Variants in SLC14A2 observed in about 807,000 individuals in gnomAD.
SLC14A2 encodes the protein solute carrier family 14 member 2, also known as urea transporter 2.
A neutral mutation model predicts 104.6 loss-of-function variants in SLC14A2; 91 were observed. The ratio of observed to expected loss-of-function variants is 0.87; its 90% CI spans 0.73 to 1.04. The LOEUF is 1.04. SLC14A2 is among the 50% of genes least tolerant of loss of function. SLC14A2 has a pLI of 0.00. For missense variants in SLC14A2, 1,189 were observed against 1,156.0 expected (o/e 1.03, Z -0.41); for synonymous variants, 476 against 466.4 (o/e 1.02, Z -0.27).
At chr18:45,621,759 A>C (rs988616918) in intron 1 of SLC14A2, among the ~76,000 whole-genome samples, 5 of 152,238 alleles carry the variant, frequency 3.3e-5, no homozygotes, top group Non-Finnish European at 7.3e-5. Flanking sequence ...CAAATCTGCT[A>C]TAAGGAAAAA....
intron 1 of SLC14A2, among the ~76,000 whole-genome samples, chr18:45,401,330 G>T (rs1246048444): frequency 6.6e-6 from 1 of 152,146 alleles, no homozygotes; most frequent in Non-Finnish European, 1.5e-5. Flanking sequence ...AACAATAGGT[G>T]CCATGAGGGT....
At position 45,683,465 on chromosome 18, in the gene SLC14A2, A is replaced by T. The variant is rs1010324772; in HGVS notation, c.*946A>T. The T allele has an allele frequency of 2.0e-5, 3 of 152,232 alleles. No individual in the cohort carries two copies. The highest frequency in any genetic ancestry group is 1.5e-5 in the Non-Finnish European group (1 of 68,042). 9.4% of individuals were successfully genotyped at this position (152,232 alleles called of 1,614,324 possible). A position where few individuals can be genotyped will look rare whatever the true frequency, so the allele number is the denominator to read the frequency against. On this transcript the variant is annotated 3_prime_UTR_variant, in exon 20 of 20. Transcript: ENST00000255226. ...AGAGGCAGGAAAATGTTAACGTTCTATAAAGTTTTATTCTTGAGTCATAGG... is the reference window on the plus strand; with the variant it reads ...AGAGGCAGGAAAATGTTAACGTTCTTTAAAGTTTTATTCTTGAGTCATAGG...
At chr18:45,501,489 T>G (rs2144761996) in intron 2 of SLC14A2, among the ~76,000 whole-genome samples, 1 of 152,356 alleles carries the variant, frequency 6.6e-6, no homozygotes. Context: ...GCTTTTTGTA[T>G]AAATGCTTCG....
intron 10 of SLC14A2, among the ~76,000 whole-genome samples, chr18:45,660,922 G>T (rs1051453375): frequency 2.0e-5 from 3 of 152,186 alleles, no homozygotes; most frequent in Non-Finnish European, 2.9e-5. Context: ...CTTCTTTGTG[G>T]CATCTGTTCC....
intron 1 of SLC14A2, among the ~76,000 whole-genome samples, chr18:45,459,871 ACAG>A (rs1167747817): frequency 3.9e-5 from 6 of 152,194 alleles, no homozygotes; most frequent in South Asian, 4.1e-4. Flanking sequence ...ATTTGAGAAA[ACAG>A]CAGAGACCTG....
intron 2 of SLC14A2, among the ~76,000 whole-genome samples, chr18:45,604,240 C>A (rs143988909): frequency 6.6e-6 from 1 of 152,104 alleles, no homozygotes; most frequent in Admixed American, 6.5e-5. Context: ...TTTCTCACTG[C>A]GTTCTAAATG....
chr18:45,228,842 T>G (rs1419227050), intron 1 of SLC14A2, among the ~76,000 whole-genome samples: 1 of 152,174 alleles, frequency 6.6e-6, no homozygotes, highest in Non-Finnish European at 1.5e-5. Context: ...GAGGCTCCAG[T>G]GCATATGGCG....
intron 1 of SLC14A2, among the ~76,000 whole-genome samples, chr18:45,439,001 A>G (rs976069615): frequency 6.6e-6 from 1 of 152,206 alleles, no homozygotes; most frequent in Non-Finnish European, 1.5e-5. Flanking sequence ...AAACCCAGAC[A>G]GGCTAGACAT....
At chr18:45,665,172 C>T (rs118022916) in intron 11 of SLC14A2, among the ~76,000 whole-genome samples, 2 of 152,272 alleles carry the variant, frequency 1.3e-5, no homozygotes, top group East Asian at 3.9e-4. Flanking sequence ...ACAGTGCCTT[C>T]GATGCATCCC....
intron 2 of SLC14A2, among the ~76,000 whole-genome samples, chr18:45,606,831 G>C (rs766845073): frequency 2.6e-5 from 4 of 151,610 alleles, no homozygotes; most frequent in Non-Finnish European, 5.9e-5. Flanking sequence ...CTTGGGTATA[G>C]TAAGGTACAC....
chr18:45,207,764 G>T, the SLC14A2 span, among the ~76,000 whole-genome samples: 1 of 152,040 alleles, frequency 6.6e-6, no homozygotes, highest in South Asian at 2.1e-4. Context: ...AATTAGTTTA[G>T]GGTGGTTAGA....
At chr18:45,436,798 T>TC (rs1425011188) in intron 1 of SLC14A2, 1 of 3,404 alleles carries the variant, frequency 2.9e-4, no homozygotes, top group Non-Finnish European at 5.0e-4. Flanking sequence ...GATTTCTTTC[T>TC]TTTTTTTTAA....
chr18:45,638,549 C>T (rs2045463589), intron 6 of SLC14A2, among the ~76,000 whole-genome samples: 1 of 152,170 alleles, frequency 6.6e-6, no homozygotes, highest in Admixed American at 6.5e-5. Flanking sequence ...CACCTGAGGA[C>T]CTGCCATGCC....
intron 1 of SLC14A2, among the ~76,000 whole-genome samples, chr18:45,350,462 T>A (rs962115941): frequency 6.6e-5 from 10 of 152,202 alleles, no homozygotes; most frequent in Non-Finnish European, 1.5e-4. Context: ...AGTCTCCTGA[T>A]GGCAGGACCA....
chr18:45,373,736 C>A (rs1438986391), intron 1 of SLC14A2, among the ~76,000 whole-genome samples: 1 of 152,148 alleles, frequency 6.6e-6, no homozygotes, highest in Non-Finnish European at 1.5e-5. Context: ...AGTGCACAGG[C>A]CTTGGGATCA....
At chr18:45,430,206 T>C (rs951562110) in intron 1 of SLC14A2, among the ~76,000 whole-genome samples, 1 of 152,218 alleles carries the variant, frequency 6.6e-6, no homozygotes, top group African/African-American at 2.4e-5. Flanking sequence ...AAAATAATCT[T>C]TGAGAGTTAG....
chr18:45,304,412 C>T (rs1041505497), intron 1 of SLC14A2, among the ~76,000 whole-genome samples: 8 of 152,124 alleles, frequency 5.3e-5, no homozygotes, highest in African/African-American at 1.2e-4. Context: ...GCCAGCAATG[C>T]GGTTTTGTTT....
chr18:45,228,386 G>A (rs927752624), intron 1 of SLC14A2, among the ~76,000 whole-genome samples: 1 of 152,102 alleles, frequency 6.6e-6, no homozygotes, highest in Non-Finnish European at 1.5e-5. Context: ...TCCCTTAGGT[G>A]TTCCTTGATG....
chr18:45,479,302 A>G (rs941413928), intron 1 of SLC14A2, among the ~76,000 whole-genome samples: 1 of 152,232 alleles, frequency 6.6e-6, no homozygotes, highest in African/African-American at 2.4e-5. Flanking sequence ...TGCTCAATTA[A>G]TGTTTGTTAA....
Sources: allele counts gnomAD v4.1 joint callset (sites outside exome capture counted in the v4.1 genomes callset), GRCh38; gene constraint gnomAD v4.1.1; transcripts MANE v1.5; gene names NCBI Gene and HGNC (gene_info 2026-07-23, HGNC 2026-07-21).